The following MARK2 variants were observed in gnomAD, a reference collection of about 807,000 sequenced individuals.
The protein encoded by MARK2 is serine/threonine-protein kinase MARK2.
MARK2 carries 16 observed loss-of-function variants against 89.8 expected under a neutral mutation model. The ratio of observed to expected loss-of-function variants is 0.18; its 90% confidence interval spans 0.12 to 0.27. The LOEUF is 0.27. Ranked by LOEUF, MARK2 falls within the 10% of genes least tolerant of loss-of-function variation. MARK2 has a pLI of 1.00. For missense variants in MARK2, 621 were observed against 1,049.9 expected, an observed-to-expected ratio of 0.59 and a Z score of 5.65; for synonymous variants, 382 against 399.5, an observed-to-expected ratio of 0.96 and a Z score of 0.52.
chr11:63,862,050 A>G (rs780672642), intron 1 of MARK2, among the ~76,000 whole-genome samples: 1 of 151,040 alleles, frequency 6.6e-6, no homozygotes, highest in Non-Finnish European at 1.5e-5. Flanking sequence ...CTGCCTCCCG[A>G]GTAGCTGGGA....
intron 1 of MARK2, among the ~76,000 whole-genome samples, chr11:63,889,657 G>A (rs1939675435): frequency 6.6e-6 from 1 of 152,264 alleles, no homozygotes; most frequent in South Asian, 2.1e-4. Flanking sequence ...TCCATGTCCT[G>A]CCTTCTCTCT....
chr11:63,899,027 G>A (rs1206516827), intron 6 of MARK2, 25 bp from the exon 7 acceptor site: 3 of 1,589,864 alleles, frequency 1.9e-6, no homozygotes, highest in African/African-American at 1.3e-5. Flanking sequence ...GCACCCCTGG[G>A]TTAACCCTTC....
chr11:63,863,237 A>G (rs1381881629), intron 1 of MARK2, among the ~76,000 whole-genome samples: 1 of 152,096 alleles, frequency 6.6e-6, no homozygotes, highest in African/African-American at 2.4e-5. Context: ...AGCTGTGCAC[A>G]TGGCTAGCTA....
At chr11:63,894,502 G>A (rs910719370) in intron 1 of MARK2, among the ~76,000 whole-genome samples, 17 of 152,274 alleles carry the variant, frequency 1.1e-4, no homozygotes, top group African/African-American at 3.9e-4. Context: ...TTTGAGACCA[G>A]CCTGACCAAC....
At chr11:63,884,772 TTGGCAGTTGATAGCGATAGTTGCTCA>T (rs1429219174) in intron 1 of MARK2, among the ~76,000 whole-genome samples, 15 of 152,236 alleles carry the variant, frequency 9.9e-5, no homozygotes, top group African/African-American at 2.7e-4. Context: ...TTATTGACTC[TTGGCAGTTGATAGCGATAGTTGCTCA>T]TGGCAGTTGA....
At chr11:63,874,206 C>A (rs773943742) in intron 1 of MARK2, among the ~76,000 whole-genome samples, 12 of 152,218 alleles carry the variant, frequency 7.9e-5, no homozygotes, top group Admixed American at 5.2e-4. Flanking sequence ...CTCCCTGCTG[C>A]CTTATCCCCT....
chr11:63,842,808 G>A (rs1173709478), intron 1 of MARK2, among the ~76,000 whole-genome samples: 1 of 152,028 alleles, frequency 6.6e-6, no homozygotes, highest in Non-Finnish European at 1.5e-5. Flanking sequence ...AAACACCACT[G>A]GTTGTCTCCA....
rs1310400087 is a variant in MARK2, at chr11:63,903,172, G to A, written c.1514+14G>A. 3 of 1,591,606 alleles carry A rather than the reference G, an allele frequency of 1.9e-6. No homozygotes were observed. Among genetic ancestry groups the A allele is most frequent in the Non-Finnish European group, 2.6e-6 (3 of 1,161,892 alleles). ...TGGCAAAGACAGGTGAGAGACCCGGGCCCTGCCTGCCTCACTCCCTAGGAG... is the reference window on the plus strand; with the variant it reads ...TGGCAAAGACAGGTGAGAGACCCGGACCCTGCCTGCCTCACTCCCTAGGAG... On this transcript the variant is annotated intron_variant, in intron 14 of 18. Transcript: ENST00000402010. This position sits in a 1 kb window ranked among gnomAD's most constrained non-coding sequence, Gnocchi z 5.1.
chr11:63,847,750 C>A (rs1252404924), intron 1 of MARK2, among the ~76,000 whole-genome samples: 1 of 152,242 alleles, frequency 6.6e-6, no homozygotes, highest in East Asian at 1.9e-4. Flanking sequence ...ACACCTTTCA[C>A]TGAAAGCTCT....
chr11:63,868,521 G>A (rs7948681), intron 1 of MARK2: 9,848 of 307,124 alleles, frequency 0.032, 950 homozygotes, highest in African/African-American at 0.2. Flanking sequence ...TTTTCAGGAT[G>A]AGAAGATGAG....
At chr11:63,845,170 A>G (rs1375908408) in intron 1 of MARK2, among the ~76,000 whole-genome samples, 2 of 152,190 alleles carry the variant, frequency 1.3e-5, no homozygotes, top group African/African-American at 4.8e-5. Context: ...GCTTTCCTAC[A>G]GTAACCAGGA....
At chr11:63,851,916 T>G (rs2016591314) in intron 1 of MARK2, among the ~76,000 whole-genome samples, 1 of 152,230 alleles carries the variant, frequency 6.6e-6, no homozygotes, top group African/African-American at 2.4e-5. Flanking sequence ...GCCATAAGTA[T>G]AGACCCTGTC....
At chr11:63,890,158 G>A (rs1260988860) in intron 1 of MARK2, 14 of 1,109,084 alleles carry the variant, frequency 1.3e-5, no homozygotes, top group Non-Finnish European at 1.7e-5. Context: ...CTTGGCCCAA[G>A]AAGCATTTCT....
rs765056273 is a variant in MARK2, at chr11:63,902,178, C to T, written c.1102-20C>T. Reference sequence around the variant, plus strand: ...ACATGACTTCTGCCCTCCCTTGAAGCTGTTTTCTGTTTCTTTCAGCTGGAA... The same window carrying T: ...ACATGACTTCTGCCCTCCCTTGAAGTTGTTTTCTGTTTCTTTCAGCTGGAA... On this transcript the variant is annotated intron_variant, in intron 11 of 18. Transcript: ENST00000402010. The surrounding 1 kb of genome is among the most constrained non-coding windows in gnomAD (Gnocchi z 4.2). The T allele has an allele frequency of 6.2e-7, 1 of 1,613,354 alleles. No individual in the cohort carries two copies. Among genetic ancestry groups the T allele is most frequent in the Admixed American group, 1.7e-5 (1 of 59,948 alleles).
At chr11:63,849,415 G>T (rs199882832) in intron 1 of MARK2, among the ~76,000 whole-genome samples, 1 of 152,144 alleles carries the variant, frequency 6.6e-6, no homozygotes, top group Non-Finnish European at 1.5e-5. Context: ...CAAACTTTTT[G>T]AACACTTTTT....
intron 3 of MARK2, 76 bp downstream of exon 3, chr11:63,895,709 G>T (rs780201401): frequency 1.9e-5 from 24 of 1,241,550 alleles, no homozygotes; most frequent in Non-Finnish European, 2.5e-5. Context: ...CACTCTTGTC[G>T]CCCAGGCTGG....
chr11:63,903,117 G>A lies in MARK2; in HGVS notation c.1473G>A (p.Arg491=). The change falls in exon 14 of 19, where the codon CGG becomes CGA. Residue 491 remains arginine (R), a synonymous_variant. Transcript: ENST00000402010. The surrounding 1 kb of genome is among the most constrained non-coding windows in gnomAD (Gnocchi z 5.1). ...GCAGGAATTCCCCACTTTTGGAGCG[G>A]GCCAGCCTCGGCCAGGCCTCCATCC... is the stretch of plus-strand genomic sequence containing the variant. ...NRSRNSPLLE[R]ASLGQASIQN... The A allele has an allele frequency of 6.2e-7, 1 of 1,613,932 alleles. No individual in the cohort carries two copies. Among genetic ancestry groups the A allele is most frequent in the Non-Finnish European group, 8.5e-7 (1 of 1,179,986 alleles).
chr11:63,906,635 G>A (rs967551249), intron 17 of MARK2, among the ~76,000 whole-genome samples: 1 of 152,042 alleles, frequency 6.6e-6, no homozygotes, highest in Non-Finnish European at 1.5e-5. Context: ...TGGGTTTCCT[G>A]AACTTCAGAG....
intron 1 of MARK2, among the ~76,000 whole-genome samples, chr11:63,851,079 C>CAAGGGCAGGTTCTTG (rs2016551721): frequency 1.3e-5 from 2 of 152,300 alleles, no homozygotes; most frequent in South Asian, 4.1e-4. Flanking sequence ...GAGTGGCCTT[C>CAAGGGCAGGTTCTTG]AAGGGCAGGT....
Sources: allele counts gnomAD v4.1 joint callset (sites outside exome capture counted in the v4.1 genomes callset), GRCh38; gene constraint gnomAD v4.1.1; non-coding constraint Gnocchi (gnomAD v3.1); transcripts MANE v1.5; gene names NCBI Gene and HGNC (gene_info 2026-07-23, HGNC 2026-07-21).